FAM228B: variants seen among roughly 807,000 people sequenced by gnomAD.
The protein encoded by FAM228B is protein FAM228B.
Under a neutral mutation model 42.6 loss-of-function variants are expected in FAM228B, and 38 were observed. The observed-to-expected ratio is 0.89, with a 90% CI of 0.69 to 1.17. The LOEUF is 1.17. Ranked by LOEUF, FAM228B falls within the 50% of genes most tolerant of loss-of-function variation. FAM228B has a pLI of 0.00. For synonymous variants in FAM228B, 109 were observed against 122.3 expected, an observed-to-expected ratio of 0.89 and a Z score of 0.72; for missense variants, 344 against 367.3, an observed-to-expected ratio of 0.94 and a Z score of 0.52.
chr2:24,167,653 T>C lies in FAM228B; in HGVS notation c.959T>C (p.Leu320Pro). The change falls in exon 10 of 11, where the codon CTG becomes CCG. Residue 320 changes from leucine (L) to proline (P), a missense_variant. Coordinates refer to ENST00000615575, the MANE Select transcript of FAM228B (RefSeq NM_001145710.2). ...DGSPSPRLGLLKLEL is the reference protein window; with the variant it reads ...DGSPSPRLGLPKLEL ...TCTCCCTCCCCGCGTTTGGGGCTGC[T>C]GAAGCTGGAGCTATAAGAAAGAAGA... 6.4e-7 allele frequency: 1 copy of C among 1,551,722 alleles called. No homozygotes were observed. The highest frequency in any genetic ancestry group is 8.7e-7 in the Non-Finnish European group (1 of 1,146,916).
At chr2:24,121,281 C>T (rs772137902), upstream of FAM228B, 8 of 1,614,018 alleles carry the variant, frequency 5.0e-6, no homozygotes, top group Middle Eastern at 1.6e-4. Flanking sequence ...CACCAGTGTT[C>T]GGACATCACT....
chr2:24,136,504 G>T (rs138344974), intron 3 of FAM228B, among the ~76,000 whole-genome samples: 1 of 152,156 alleles, frequency 6.6e-6, no homozygotes, highest in Non-Finnish European at 1.5e-5. Context: ...GATTACAGGC[G>T]TGGGATTGCC....
chr2:24,137,466 A>T (rs1666617359), intron 3 of FAM228B, among the ~76,000 whole-genome samples: 1 of 152,152 alleles, frequency 6.6e-6, no homozygotes, highest in African/African-American at 2.4e-5. Context: ...ACATCTTGCT[A>T]TATTCCCCCT....
chr2:24,112,217 G>C (rs1321729943), intron 3 of FAM228B, among the ~76,000 whole-genome samples: 1 of 151,476 alleles, frequency 6.6e-6, no homozygotes, highest in Admixed American at 6.6e-5. Context: ...ATTAAGGCTA[G>C]GTAAGGTTAA....
chr2:24,125,636 A>AT (rs1666291421), intron 2 of FAM228B, among the ~76,000 whole-genome samples: 1 of 151,620 alleles, frequency 6.6e-6, no homozygotes, highest in Non-Finnish European at 1.5e-5. Context: ...TCTCGGCTCA[A>AT]TGCAACCTCT....
intron 10 of FAM228B, among the ~76,000 whole-genome samples, chr2:24,168,825 C>T (rs898379595): frequency 1.3e-5 from 2 of 152,026 alleles, no homozygotes; most frequent in African/African-American, 2.4e-5. Context: ...ACAGGACACT[C>T]TATCCATTGT....
chr2:24,147,304 AAG>A (rs1244657068), intron 7 of FAM228B, among the ~76,000 whole-genome samples: 2 of 151,490 alleles, frequency 1.3e-5, no homozygotes, highest in Non-Finnish European at 2.9e-5. Flanking sequence ...GGGTACTTTC[AAG>A]ATTTTCTGTT....
intron 2 of FAM228B, among the ~76,000 whole-genome samples, chr2:24,134,759 A>C (rs1666540134): frequency 6.6e-6 from 1 of 152,256 alleles, no homozygotes; most frequent in East Asian, 1.9e-4. Flanking sequence ...GAGACCAGCG[A>C]GGCCAACATG....
chr2:24,085,377 G>A (rs772907748), intron 2 of FAM228B, among the ~76,000 whole-genome samples: 1 of 152,102 alleles, frequency 6.6e-6, no homozygotes, highest in Non-Finnish European at 1.5e-5. Flanking sequence ...CAATCTCGGC[G>A]CTATTGACAT....
At chr2:24,165,360 A>G (rs1346322132) in intron 9 of FAM228B, 1 of 471,074 alleles carries the variant, frequency 2.1e-6, no homozygotes, top group Admixed American at 2.3e-5. Flanking sequence ...ATAAAAGGAC[A>G]ATGCCTTTTC....
intron 3 of FAM228B, among the ~76,000 whole-genome samples, chr2:24,109,117 T>C (rs1030729122): frequency 4.6e-5 from 6 of 130,538 alleles, no homozygotes; most frequent in Non-Finnish European, 1.6e-5. Flanking sequence ...AATAATGCCA[T>C]ACACCTATAA....
chr2:24,118,305 T>G (rs1026408259), intron 3 of FAM228B, among the ~76,000 whole-genome samples: 1 of 152,232 alleles, frequency 6.6e-6, no homozygotes, highest in Non-Finnish European at 1.5e-5. Flanking sequence ...GGTCCAATAA[T>G]GCAAAATGCA....
At chr2:24,119,484 G>T (rs963900572), upstream of FAM228B, 33 of 860,306 alleles carry the variant, frequency 3.8e-5, no homozygotes, top group Non-Finnish European at 5.5e-5. Context: ...CCTCCTTTCT[G>T]CCCTAGCTGG....
At chr2:24,104,279 C>T (rs983312619) in intron 3 of FAM228B, among the ~76,000 whole-genome samples, 3 of 152,298 alleles carry the variant, frequency 2.0e-5, no homozygotes, top group East Asian at 1.9e-4. Context: ...ACCCACCCAT[C>T]GTGTTTCTAG....
At chr2:24,112,914 T>A (rs1235764519) in intron 3 of FAM228B, among the ~76,000 whole-genome samples, 1 of 152,206 alleles carries the variant, frequency 6.6e-6, no homozygotes, top group East Asian at 1.9e-4. Context: ...TCCTTCAGCC[T>A]GGAATACTCT....
upstream of FAM228B, chr2:24,122,407 G>T (rs766728615): frequency 1.5e-5 from 23 of 1,581,138 alleles, no homozygotes; most frequent in East Asian, 2.2e-5. Flanking sequence ...GTCCAAACTT[G>T]TTTTTTCTTA....
At chr2:24,165,333 A>G (rs1001893148) in intron 9 of FAM228B, 6 of 470,984 alleles carry the variant, frequency 1.3e-5, no homozygotes, top group African/African-American at 1.0e-4. Flanking sequence ...GGCCCTACAC[A>G]GTATTCTGGG....
intron 8 of FAM228B, among the ~76,000 whole-genome samples, chr2:24,162,139 C>A (rs1347415195): frequency 6.6e-6 from 1 of 151,882 alleles, no homozygotes; most frequent in Non-Finnish European, 1.5e-5. Context: ...AACAACAAAA[C>A]AAGTAGCTAA....
chr2:24,160,050 G>A (rs376631168), intron 7 of FAM228B, among the ~76,000 whole-genome samples: 6 of 150,254 alleles, frequency 4.0e-5, no homozygotes, highest in African/African-American at 9.8e-5. Flanking sequence ...GTGCAGTGGC[G>A]TGACCTTGGC....
Sources: gnomAD v4.1 joint callset for allele counts (sites outside exome capture counted in the v4.1 genomes callset) on GRCh38, gnomAD v4.1.1 for gene constraint, MANE v1.5 for transcripts, NCBI Gene and HGNC (gene_info 2026-07-23, HGNC 2026-07-21) for gene names.